The following NBEA variants were observed in gnomAD, a reference collection of about 807,000 sequenced individuals.
The protein encoded by NBEA is neurobeachin.
In NBEA, 44 loss-of-function variants were observed where a neutral mutation model predicts 343.4. The observed-to-expected ratio is 0.13, with a 90% CI of 0.10 to 0.16. The LOEUF (loss-of-function observed/expected upper bound fraction) is 0.16, where lower values mean the gene tolerates loss of function less well. Among genes scored for constraint, NBEA ranks in the 10% least tolerant of loss-of-function variants. The pLI, the probability that NBEA is intolerant of heterozygous loss-of-function variation, is 1.00. For missense variants in NBEA, 2,555 were observed against 3,631.3 expected (o/e 0.70, Z 7.62); for synonymous variants, 1,175 against 1,238.7 (o/e 0.95, Z 1.08).
chr13:35,665,065 C>T lies in NBEA; in HGVS notation c.8363-20C>T, dbSNP rs372462336. 29 of 1,539,756 alleles carry T rather than the reference C, an allele frequency of 1.9e-5. 1 individual carries two copies. The highest frequency in any genetic ancestry group is 1.7e-4 in the East Asian group (7 of 41,814). ...CCTGCTATTGGTCTGTAGTGCCTCACTGCTGCTGTTTTCTTGCAGGTGACT... is the reference window on the plus strand; with the variant it reads ...CCTGCTATTGGTCTGTAGTGCCTCATTGCTGCTGTTTTCTTGCAGGTGACT... On this transcript the variant is annotated intron_variant, in intron 55 of 58. Coordinates refer to ENST00000379939, the MANE Select transcript of NBEA (RefSeq NM_001385012.1).
At chr13:35,207,668 A>G (rs1309879477) in intron 31 of NBEA, among the ~76,000 whole-genome samples, 2 of 152,144 alleles carry the variant, frequency 1.3e-5, no homozygotes, top group Non-Finnish European at 2.9e-5. Flanking sequence ...TTTTAAATGA[A>G]ATACATTTAA....
intron 10 of NBEA, among the ~76,000 whole-genome samples, chr13:35,093,924 A>C (rs2065204648): frequency 6.6e-6 from 1 of 151,830 alleles, no homozygotes; most frequent in Admixed American, 6.6e-5. Context: ...GGAGCTTATA[A>C]TAAAAAGGCA....
At chr13:35,170,160 T>C (rs535965486) in intron 25 of NBEA, among the ~76,000 whole-genome samples, 7 of 151,730 alleles carry the variant, frequency 4.6e-5, no homozygotes, top group Non-Finnish European at 7.4e-5. Flanking sequence ...CTTTTTTCAG[T>C]GTTTTCTGCT....
chr13:35,585,933 G>A (rs1012579011), intron 46 of NBEA, among the ~76,000 whole-genome samples: 26 of 151,826 alleles, frequency 1.7e-4, no homozygotes, highest in African/African-American at 4.8e-4. Context: ...ATTCTCTCTC[G>A]CCTAGAGTAT....
chr13:35,655,742 T>G lies in NBEA; in HGVS notation c.8355T>G (p.Pro2785=). ...SGRHHIIGDN[P]NSSDYPAPRA... ...GGCACCATATCATAGGAGACAACCC[T>G]AACAGCAGTGAGTGTTTGTATCAAA... The change falls in exon 55 of 59, where the codon CCT becomes CCG. Residue 2785 remains proline (P), a synonymous_variant. Coordinates refer to ENST00000379939, the MANE Select transcript of NBEA (RefSeq NM_001385012.1). The G allele has an allele frequency of 6.2e-7, 1 of 1,611,304 alleles. No individual in the cohort carries two copies. Among genetic ancestry groups the G allele is most frequent in the Non-Finnish European group, 8.5e-7 (1 of 1,178,810 alleles).
intron 39 of NBEA, among the ~76,000 whole-genome samples, chr13:35,438,927 T>C (rs2045586380): frequency 6.6e-6 from 1 of 152,238 alleles, no homozygotes; most frequent in South Asian, 2.1e-4. Flanking sequence ...TAGTTTTCTG[T>C]TGAAGGTTCA....
At chr13:35,148,345 A>G (rs2068565478) in intron 18 of NBEA, among the ~76,000 whole-genome samples, 1 of 152,214 alleles carries the variant, frequency 6.6e-6, no homozygotes, top group Admixed American at 6.5e-5. Flanking sequence ...TGGTCACTTG[A>G]CACTACAGAG....
chr13:35,244,139 A>G (rs1269852904), intron 34 of NBEA, among the ~76,000 whole-genome samples: 1 of 151,990 alleles, frequency 6.6e-6, no homozygotes, highest in African/African-American at 2.4e-5. Context: ...AAGGAAATGT[A>G]GAAACTCCAT....
At chr13:35,094,293 T>C (rs2065226378) in intron 10 of NBEA, among the ~76,000 whole-genome samples, 1 of 152,034 alleles carries the variant, frequency 6.6e-6, no homozygotes, top group African/African-American at 2.4e-5. Flanking sequence ...AAGGTAGAAA[T>C]TACTGAGAAG....
At chr13:35,355,413 C>G (rs1177822937) in intron 38 of NBEA, among the ~76,000 whole-genome samples, 1 of 152,006 alleles carries the variant, frequency 6.6e-6, no homozygotes, top group African/African-American at 2.4e-5. Flanking sequence ...TGTGGCTATT[C>G]AAATTTAATT....
At chr13:34,993,451 A>G (rs926802403) in intron 1 of NBEA, among the ~76,000 whole-genome samples, 3 of 152,200 alleles carry the variant, frequency 2.0e-5, no homozygotes, top group African/African-American at 7.2e-5. Context: ...ACCTTTGCAT[A>G]TAGTAGATGC....
At chr13:35,053,393 G>A (rs1306513154) in intron 6 of NBEA, among the ~76,000 whole-genome samples, 1 of 152,000 alleles carries the variant, frequency 6.6e-6, no homozygotes, top group Admixed American at 6.6e-5. Flanking sequence ...CTACTGAACA[G>A]TTCCTTTTCA....
intron 33 of NBEA, among the ~76,000 whole-genome samples, chr13:35,231,317 A>G (rs1163257281): frequency 6.6e-6 from 1 of 152,144 alleles, no homozygotes; most frequent in African/African-American, 2.4e-5. Flanking sequence ...AAAAATTTAA[A>G]AAGAGGCCAT....
intron 31 of NBEA, 138 bp from the exon 32 acceptor site, chr13:35,208,562 C>T: frequency 1.6e-6 from 1 of 624,068 alleles, no homozygotes; most frequent in Non-Finnish European, 2.6e-6. Flanking sequence ...CAAAGCTGGA[C>T]TAAGGAGTTT....
rs371960534 is a variant in NBEA, at chr13:35,131,051, G to A, written c.2336+7477G>A. Among the ~76,000 whole-genome samples the A allele has an allele frequency of 7.2e-5, 11 of 151,964 alleles. No homozygotes were observed. In the South Asian group the frequency reaches 2.3e-3, roughly 32 times the overall value. On this transcript the variant is annotated intron_variant, in intron 17 of 58. Coordinates refer to ENST00000379939, the MANE Select transcript of NBEA (RefSeq NM_001385012.1). ...GGTACTTAGGTTTTCATTTTTCTAGGTTCTCGGTTATGCTTACCTCATTAA... is the reference window on the plus strand; with the variant it reads ...GGTACTTAGGTTTTCATTTTTCTAGATTCTCGGTTATGCTTACCTCATTAA...
chr13:35,452,250 A>G lies in NBEA; in HGVS notation c.6448+15A>G. 6.5e-7 allele frequency: 1 copy of G among 1,538,866 alleles called. No individual in the cohort carries two copies. Among genetic ancestry groups the G allele is most frequent in the Non-Finnish European group, 8.8e-7 (1 of 1,140,176 alleles). ...CAACCTTGCAGGTAAATTTTAAAATATATTTTTCCTATTTGTTGTAAATAA... is the reference window on the plus strand; with the variant it reads ...CAACCTTGCAGGTAAATTTTAAAATGTATTTTTCCTATTTGTTGTAAATAA... On this transcript the variant is annotated intron_variant, in intron 40 of 58. Coordinates refer to ENST00000379939, the MANE Select transcript of NBEA (RefSeq NM_001385012.1).
At chr13:35,575,841 C>G (rs2153032909) in intron 45 of NBEA, among the ~76,000 whole-genome samples, 1 of 152,252 alleles carries the variant, frequency 6.6e-6, no homozygotes, top group African/African-American at 2.4e-5. Context: ...TCTGTCTTAT[C>G]TGTCTAAAGG....
chr13:35,075,767 T>C (rs1046357808), intron 10 of NBEA, among the ~76,000 whole-genome samples: 2 of 152,072 alleles, frequency 1.3e-5, no homozygotes, highest in African/African-American at 4.8e-5. Flanking sequence ...AATAATTAAG[T>C]ATTTCATTCT....
At chr13:35,306,611 C>A (rs566528385) in intron 35 of NBEA, among the ~76,000 whole-genome samples, 1 of 152,062 alleles carries the variant, frequency 6.6e-6, no homozygotes, top group African/African-American at 2.4e-5. Context: ...TTATCCCTTT[C>A]TAATATTGGT....
Sources: allele counts gnomAD v4.1 joint callset (sites outside exome capture counted in the v4.1 genomes callset), GRCh38; gene constraint gnomAD v4.1.1; transcripts MANE v1.5; gene names NCBI Gene and HGNC (gene_info 2026-07-23, HGNC 2026-07-21).